FBXO11: variants seen among roughly 807,000 people sequenced by gnomAD.
FBXO11 encodes the protein F-box only protein 11.
Under a neutral mutation model 117.0 loss-of-function variants are expected in FBXO11, and 13 were observed. That is an observed-to-expected ratio of 0.11 (90% CI 0.07 to 0.18). FBXO11 has a LOEUF of 0.18. Ranked by LOEUF, FBXO11 falls within the 10% of genes least tolerant of loss-of-function variation. FBXO11 has a pLI of 1.00. For missense variants in FBXO11, 767 were observed against 1,164.4 expected (o/e 0.66, Z 4.97); for synonymous variants, 490 against 380.5 (o/e 1.29, Z -3.35).
chr2:47,850,458 G>T (rs1417510223), intron 1 of FBXO11, among the ~76,000 whole-genome samples: 1 of 152,188 alleles, frequency 6.6e-6, no homozygotes, highest in Non-Finnish European at 1.5e-5. Flanking sequence ...AGAAAGCATA[G>T]ACTAGCTATC....
In FBXO11 at chr2:47,905,593, T is replaced by G. The variant is rs776045501; in HGVS notation, c.128A>C (p.Gln43Pro). 1.6e-6 allele frequency: 2 copies of G among 1,289,156 alleles called. No homozygotes were observed. Among genetic ancestry groups the G allele is most frequent in the African/African-American group, 3.1e-5 (2 of 63,582 alleles). 79.9% of individuals were successfully genotyped at this position (1,289,156 alleles called of 1,614,324 possible). The change falls in exon 1 of 23, where the codon CAG (glutamine) becomes CCG (proline). Residue 43 changes from glutamine to proline, a missense_variant. Physicochemically the swap from Gln to Pro is moderately conservative, Grantham distance 76. Around this residue, in one of 10 missense-constraint regions of FBXO11, gnomAD observed 355 missense variants for 299.8 expected, o/e 1.18. Coordinates refer to ENST00000403359, the MANE Select transcript of FBXO11 (RefSeq NM_001190274.2). ...PQPPQQQPPQ[Q>P]QPPPPPQQQQ... ...CTGCTGCGGCGGCGGCGGAGGCTGC[T>G]GCTGGGGCGGCTGCTGCTGGGGCGG... is the stretch of plus-strand genomic sequence containing the variant.
chr2:47,899,779 T>C (rs1430040207), intron 1 of FBXO11, among the ~76,000 whole-genome samples: 1 of 152,116 alleles, frequency 6.6e-6, no homozygotes, highest in African/African-American at 2.4e-5. Flanking sequence ...GATAAATCAG[T>C]GAATTGGAAG....
chr2:47,808,282 G>C (rs1323154333), intron 22 of FBXO11, 35 bp from the exon 23 acceptor site: 3 of 1,612,532 alleles, frequency 1.9e-6, no homozygotes. Context: ...TTAGAAAAGT[G>C]AGGGGGAAAG....
At chr2:47,852,753 T>C (rs1443298630) in intron 1 of FBXO11, among the ~76,000 whole-genome samples, 3 of 152,234 alleles carry the variant, frequency 2.0e-5, no homozygotes, top group South Asian at 4.1e-4. Flanking sequence ...GTACAGGCAC[T>C]ACTGTTTCAA....
Position 47,839,591 on chromosome 2 carries a change from T to C in FBXO11, c.360+51A>G, listed in dbSNP as rs1400834099. On this transcript the variant is annotated intron_variant, in intron 2 of 22. Coordinates refer to ENST00000403359, the MANE Select transcript of FBXO11 (RefSeq NM_001190274.2). Reference sequence around the variant, plus strand: ...AAAGGATGACATTCCCTTTTTTGTTTCTTGAAAATTCTTTCATTACAAAAA... The same window carrying C: ...AAAGGATGACATTCCCTTTTTTGTTCCTTGAAAATTCTTTCATTACAAAAA... 1.9e-6 allele frequency: 3 copies of C among 1,605,378 alleles called. No individual in the cohort carries two copies. The South Asian group carries it at 3.4e-5, about 18-fold the overall frequency.
chr2:47,823,948 C>G (rs1671562094), intron 11 of FBXO11, among the ~76,000 whole-genome samples: 1 of 151,990 alleles, frequency 6.6e-6, no homozygotes, highest in Non-Finnish European at 1.5e-5. Context: ...CCTCCCGCCT[C>G]AGCCTTCTGA....
At chr2:47,888,201 C>G (rs920141739) in intron 1 of FBXO11, among the ~76,000 whole-genome samples, 1 of 152,004 alleles carries the variant, frequency 6.6e-6, no homozygotes, top group African/African-American at 2.4e-5. Flanking sequence ...TCAGTAGGTC[C>G]AACAACTCAT....
chr2:47,876,678 T>A (rs138081974), intron 1 of FBXO11, among the ~76,000 whole-genome samples: 1,869 of 152,252 alleles, frequency 0.012, 28 homozygotes, highest in African/African-American at 0.04. Flanking sequence ...GCTTTTATGT[T>A]TTATGATCTG....
At chr2:47,883,630 A>T in intron 1 of FBXO11, 1 of 326,676 alleles carries the variant, frequency 3.1e-6, no homozygotes, top group Non-Finnish European at 6.2e-6. Context: ...TTATCTAACT[A>T]CAACATTCAA....
chr2:47,846,680 G>A (rs1168368499), intron 1 of FBXO11, among the ~76,000 whole-genome samples: 1 of 151,828 alleles, frequency 6.6e-6, no homozygotes, highest in Non-Finnish European at 1.5e-5. Flanking sequence ...ATGTAATTTA[G>A]CTGCATTAAA....
chr2:47,845,744 T>G (rs1673359892), intron 1 of FBXO11, among the ~76,000 whole-genome samples: 2 of 152,180 alleles, frequency 1.3e-5, no homozygotes, highest in South Asian at 4.1e-4. Context: ...TGCCCTCTTT[T>G]ATATTCTTCA....
intron 1 of FBXO11, among the ~76,000 whole-genome samples, chr2:47,903,978 T>C (rs1251143853): frequency 2.0e-5 from 3 of 152,236 alleles, no homozygotes; most frequent in African/African-American, 7.2e-5. Context: ...GATCTCCAAC[T>C]GCCTTGAAAC....
chr2:47,834,559 G>A lies in FBXO11; in HGVS notation c.934+20C>T, dbSNP rs779743737. On this transcript the variant is annotated intron_variant, in intron 7 of 22. Transcript: ENST00000403359. ...ATGAGTAAAATATTAAAATTTTAATGACAATGCATTTCAAAATACCTGCAC... is the reference window on the plus strand; with the variant it reads ...ATGAGTAAAATATTAAAATTTTAATAACAATGCATTTCAAAATACCTGCAC... 2.6e-6 allele frequency: 4 copies of A among 1,510,496 alleles called. No individual in the cohort carries two copies. Among genetic ancestry groups the A allele is most frequent in the Non-Finnish European group, 2.7e-6 (3 of 1,128,738 alleles). 93.6% of individuals were successfully genotyped at this position (1,510,496 alleles called of 1,614,324 possible).
intron 1 of FBXO11, among the ~76,000 whole-genome samples, chr2:47,876,226 T>G (rs1351188586): frequency 6.6e-6 from 1 of 152,210 alleles, no homozygotes; most frequent in African/African-American, 2.4e-5. Context: ...GCAAGAATAG[T>G]AGCATTCCTG....
chr2:47,844,478 C>T (rs1673254986), intron 1 of FBXO11, among the ~76,000 whole-genome samples: 1 of 152,156 alleles, frequency 6.6e-6, no homozygotes, highest in Non-Finnish European at 1.5e-5. Context: ...CCCCAGACCC[C>T]TTAGAACATA....
intron 1 of FBXO11, among the ~76,000 whole-genome samples, chr2:47,904,627 A>AT (rs1412785977): frequency 2.7e-5 from 4 of 148,008 alleles, no homozygotes; most frequent in Non-Finnish European, 6.0e-5. Flanking sequence ...CACACAAAAT[A>AT]TCCCAAGGGG....
At chr2:47,871,465 G>A (rs561267458) in intron 1 of FBXO11, among the ~76,000 whole-genome samples, 13 of 152,314 alleles carry the variant, frequency 8.5e-5, no homozygotes, top group African/African-American at 2.9e-4. Context: ...GGGGTAATCT[G>A]TCATGAAAGA....
At chr2:47,809,986 T>C (rs1005586661) in intron 19 of FBXO11, 1 of 490,218 alleles carries the variant, frequency 2.0e-6, no homozygotes, top group African/African-American at 2.0e-5. Flanking sequence ...TAACATCTCT[T>C]TTTCTGTTGC....
At chr2:47,890,981 A>AT (rs545809805) in intron 1 of FBXO11, among the ~76,000 whole-genome samples, 10,981 of 142,638 alleles carry the variant, frequency 0.077, 522 homozygotes, top group Non-Finnish European at 0.11. Flanking sequence ...CCATACCGGG[A>AT]TTTTTTTTTT....
Sources: gnomAD v4.1 joint callset for allele counts (sites outside exome capture counted in the v4.1 genomes callset) on GRCh38, gnomAD v4.1.1 for gene constraint, gnomAD v4.1.1 regional missense constraint, MANE v1.5 for transcripts, NCBI Gene and HGNC (gene_info 2026-07-23, HGNC 2026-07-21) for gene names.